Variants in ST6GALNAC3 observed in about 807,000 individuals in gnomAD.
ST6GALNAC3 encodes the protein alpha-N-acetylgalactosaminide alpha-2,6-sialyltransferase 3.
In ST6GALNAC3, 25 loss-of-function variants were observed where a neutral mutation model predicts 32.7. That is an observed-to-expected ratio of 0.76 (90% confidence interval 0.56 to 1.07). ST6GALNAC3 has a LOEUF of 1.07. Ranked by LOEUF, ST6GALNAC3 falls within the 50% of genes least tolerant of loss-of-function variation. The pLI, the probability that ST6GALNAC3 is intolerant of heterozygous loss-of-function variation, is 0.00. For synonymous variants in ST6GALNAC3, 129 were observed against 133.1 expected, an observed-to-expected ratio of 0.97 and a Z score of 0.21; for missense variants, 355 against 382.4, an observed-to-expected ratio of 0.93 and a Z score of 0.60.
chr1:76,459,396 C>G (rs1571301781), intron 3 of ST6GALNAC3, among the ~76,000 whole-genome samples: 1 of 152,164 alleles, frequency 6.6e-6, no homozygotes, highest in East Asian at 1.9e-4. Flanking sequence ...AACCCCATCT[C>G]TACTAAAAAT....
chr1:76,185,628 T>G (rs1201609916), intron 1 of ST6GALNAC3, among the ~76,000 whole-genome samples: 3 of 152,172 alleles, frequency 2.0e-5, no homozygotes, highest in African/African-American at 7.2e-5. Context: ...GCCCTTAGCA[T>G]TCATTCTGCA....
intron 3 of ST6GALNAC3, among the ~76,000 whole-genome samples, chr1:76,490,189 C>A (rs772548211): frequency 2.0e-5 from 3 of 152,066 alleles, no homozygotes; most frequent in Non-Finnish European, 4.4e-5. Context: ...CCTCTCCAGA[C>A]CTGAGGTAGA....
In ST6GALNAC3 at chr1:76,133,408, A is replaced by T. The variant is rs1649739002; in HGVS notation, c.18+58524A>T. Among the ~76,000 whole-genome samples the T allele has an allele frequency of 3.3e-5, 5 of 152,180 alleles. No individual in the cohort carries two copies. In the South Asian group the frequency reaches 1.0e-3, roughly 32 times the overall value. On this transcript the variant is annotated intron_variant, in intron 1 of 4. Transcript: ENST00000328299. The stretch of plus-strand genomic sequence containing the variant: ...ATTGTTGAGCCATCGGTGTATCAGC[A>T]GTAAAGTGGCCAGCAGTCAAGGGAT...
At chr1:76,408,869 C>T (rs1654019582) in intron 2 of ST6GALNAC3, among the ~76,000 whole-genome samples, 1 of 152,062 alleles carries the variant, frequency 6.6e-6, no homozygotes, top group Non-Finnish European at 1.5e-5. Context: ...ACCCCCCGCA[C>T]CATATGCATC....
intron 1 of ST6GALNAC3, among the ~76,000 whole-genome samples, chr1:76,189,027 A>G (rs1352730356): frequency 6.6e-6 from 1 of 152,240 alleles, no homozygotes; most frequent in Non-Finnish European, 1.5e-5. Flanking sequence ...CTGCATAGGC[A>G]TTTGAATTAT....
chr1:76,486,200 G>T (rs1211206291), intron 3 of ST6GALNAC3, among the ~76,000 whole-genome samples: 1 of 152,212 alleles, frequency 6.6e-6, no homozygotes, highest in East Asian at 1.9e-4. Flanking sequence ...TGTATATTTT[G>T]TTGATTTGGG....
intron 1 of ST6GALNAC3, among the ~76,000 whole-genome samples, chr1:76,286,046 A>G: frequency 6.6e-6 from 1 of 152,206 alleles, no homozygotes; most frequent in East Asian, 1.9e-4. Context: ...GTCACAGGGA[A>G]CATTCTACTG....
At chr1:76,099,536 C>T (rs1299510543) in intron 1 of ST6GALNAC3, among the ~76,000 whole-genome samples, 4 of 151,814 alleles carry the variant, frequency 2.6e-5, no homozygotes, top group Non-Finnish European at 5.9e-5. Flanking sequence ...GTAGATGAAT[C>T]TCCAAAACAT....
intron 2 of ST6GALNAC3, among the ~76,000 whole-genome samples, chr1:76,344,180 C>A (rs1648299338): frequency 6.6e-6 from 1 of 152,152 alleles, no homozygotes; most frequent in African/African-American, 2.4e-5. Flanking sequence ...AATGGCCTTG[C>A]TGAGATTTAA....
chr1:76,097,110 G>A (rs915805570), intron 1 of ST6GALNAC3, among the ~76,000 whole-genome samples: 3 of 152,102 alleles, frequency 2.0e-5, no homozygotes, highest in East Asian at 3.9e-4. Context: ...GTGGAGACAC[G>A]GTTTCGCCAT....
chr1:76,309,638 G>C (rs1485369337), intron 1 of ST6GALNAC3, among the ~76,000 whole-genome samples: 2 of 152,136 alleles, frequency 1.3e-5, no homozygotes, highest in African/African-American at 4.8e-5. Flanking sequence ...TGGAATTTCA[G>C]AGTGGTTTCA....
chr1:76,466,159 G>A (rs1054042340), intron 3 of ST6GALNAC3, among the ~76,000 whole-genome samples: 1 of 152,028 alleles, frequency 6.6e-6, no homozygotes, highest in African/African-American at 2.4e-5. Context: ...GTAGTCTCCA[G>A]AAAAACTGAC....
intron 2 of ST6GALNAC3, among the ~76,000 whole-genome samples, chr1:76,334,307 T>A (rs1457785806): frequency 6.6e-6 from 1 of 152,230 alleles, no homozygotes; most frequent in African/African-American, 2.4e-5. Flanking sequence ...TATGATTGTA[T>A]CTCCATGATT....
intron 2 of ST6GALNAC3, among the ~76,000 whole-genome samples, chr1:76,333,666 T>C (rs771447093): frequency 5.9e-5 from 9 of 152,186 alleles, no homozygotes; most frequent in Non-Finnish European, 1.2e-4. Context: ...TCCTTGGTTG[T>C]CCATATTTCC....
intron 3 of ST6GALNAC3, among the ~76,000 whole-genome samples, chr1:76,461,229 A>G (rs1273516110): frequency 6.6e-6 from 1 of 152,164 alleles, no homozygotes; most frequent in East Asian, 1.9e-4. Context: ...GAATCCTCTA[A>G]CTATGCAAAA....
intron 3 of ST6GALNAC3, among the ~76,000 whole-genome samples, chr1:76,467,243 A>T (rs1291911150): frequency 6.6e-6 from 1 of 152,068 alleles, no homozygotes; most frequent in Non-Finnish European, 1.5e-5. Flanking sequence ...GAGAGAAGTC[A>T]TTCCTTTAAC....
At chr1:76,362,071 A>T (rs1046622162) in intron 2 of ST6GALNAC3, among the ~76,000 whole-genome samples, 2 of 152,066 alleles carry the variant, frequency 1.3e-5, no homozygotes, top group Non-Finnish European at 2.9e-5. Context: ...CATAGGCTGT[A>T]CAGGAAGCAT....
intron 1 of ST6GALNAC3, among the ~76,000 whole-genome samples, chr1:76,194,824 G>A (rs1654102257): frequency 6.6e-6 from 1 of 152,176 alleles, no homozygotes; most frequent in Non-Finnish European, 1.5e-5. Context: ...GGTTAGTTGC[G>A]ATGTGAAATC....
chr1:76,488,298 G>C (rs1471473064), intron 3 of ST6GALNAC3, among the ~76,000 whole-genome samples: 2 of 151,770 alleles, frequency 1.3e-5, no homozygotes, highest in African/African-American at 2.4e-5. Flanking sequence ...ATTTGCTCCT[G>C]CTTTTGTCAT....
Sources: allele counts gnomAD v4.1 joint callset (sites outside exome capture counted in the v4.1 genomes callset), GRCh38; gene constraint gnomAD v4.1.1; transcripts MANE v1.5; gene names NCBI Gene and HGNC (gene_info 2026-07-23, HGNC 2026-07-21).